Variants in SORCS3 observed in about 807,000 individuals in gnomAD.
The protein encoded by SORCS3 is sortilin related VPS10 domain containing receptor 3.
Under a neutral mutation model 146.3 loss-of-function variants are expected in SORCS3, and 57 were observed. That is an observed-to-expected ratio of 0.39 (90% CI 0.31 to 0.49). The LOEUF (loss-of-function observed/expected upper bound fraction) is 0.49, where lower values mean the gene tolerates loss of function less well. Ranked by LOEUF, SORCS3 falls within the 20% of genes least tolerant of loss-of-function variation. The probability of loss-of-function intolerance (pLI) is 0.92; values close to 1 mark genes in which losing one functional copy is unlikely to be tolerated. For missense variants in SORCS3, 1,341 were observed against 1,575.5 expected, an observed-to-expected ratio of 0.85 and a Z score of 2.52; for synonymous variants, 653 against 618.5, an observed-to-expected ratio of 1.06 and a Z score of -0.83.
intron 1 of SORCS3, among the ~76,000 whole-genome samples, chr10:104,759,034 T>G (rs554820410): frequency 2.6e-5 from 4 of 152,214 alleles, no homozygotes; most frequent in Admixed American, 2.0e-4. Context: ...GCAGATGGGA[T>G]TAGTTAAGAG....
At chr10:104,688,048 A>G (rs1403242987) in intron 1 of SORCS3, among the ~76,000 whole-genome samples, 1 of 152,246 alleles carries the variant, frequency 6.6e-6, no homozygotes, top group Non-Finnish European at 1.5e-5. Flanking sequence ...TAGCATTGTC[A>G]GATTTAGTAA....
chr10:105,003,380 C>A (rs2055073095), intron 4 of SORCS3, among the ~76,000 whole-genome samples: 2 of 152,022 alleles, frequency 1.3e-5, no homozygotes, highest in Non-Finnish European at 2.9e-5. Flanking sequence ...CAGCCCTTAG[C>A]CTTGCTCTTG....
At chr10:104,756,967 G>T (rs1248399885) in intron 1 of SORCS3, among the ~76,000 whole-genome samples, 1 of 151,778 alleles carries the variant, frequency 6.6e-6, no homozygotes, top group East Asian at 1.9e-4. Flanking sequence ...TTCTACTGAA[G>T]CTGGAAGATC....
At chr10:104,783,425 A>T (rs1041134321) in intron 1 of SORCS3, among the ~76,000 whole-genome samples, 1 of 152,176 alleles carries the variant, frequency 6.6e-6, no homozygotes, top group Non-Finnish European at 1.5e-5. Flanking sequence ...TGAAAGTCTA[A>T]ACCTCTTCTC....
At chr10:104,751,659 T>G (rs926459977) in intron 1 of SORCS3, among the ~76,000 whole-genome samples, 1 of 151,916 alleles carries the variant, frequency 6.6e-6, no homozygotes, top group Non-Finnish European at 1.5e-5. Flanking sequence ...AGCTGTGAAA[T>G]GAGAGGCTAA....
chr10:105,219,334 T>G (rs2056685221), intron 19 of SORCS3, among the ~76,000 whole-genome samples: 1 of 152,152 alleles, frequency 6.6e-6, no homozygotes, highest in Admixed American at 6.5e-5. Context: ...AGTTGTAACA[T>G]GTATAAAAAG....
chr10:104,647,134 T>C (rs1411386912), intron 1 of SORCS3, among the ~76,000 whole-genome samples: 2 of 152,210 alleles, frequency 1.3e-5, no homozygotes, highest in Admixed American at 1.3e-4. Context: ...ACATTCTGGC[T>C]TGAGGAACTT....
At chr10:105,199,877 T>C (rs2056564216) in intron 14 of SORCS3, 122 bp from the exon 15 acceptor site, 1 of 714,382 alleles carries the variant, frequency 1.4e-6, no homozygotes, top group South Asian at 1.7e-5. Flanking sequence ...GAACTCACTT[T>C]GGAAGAATAA....
At chr10:104,982,844 T>C (rs1207187554) in intron 4 of SORCS3, among the ~76,000 whole-genome samples, 2 of 152,172 alleles carry the variant, frequency 1.3e-5, no homozygotes, top group Non-Finnish European at 2.9e-5. Flanking sequence ...ATGACAGAAC[T>C]GGTTTAATGT....
chr10:104,982,847 T>C (rs2054939361), intron 4 of SORCS3, among the ~76,000 whole-genome samples: 1 of 152,102 alleles, frequency 6.6e-6, no homozygotes, highest in Non-Finnish European at 1.5e-5. Flanking sequence ...ACAGAACTGG[T>C]TTAATGTTAG....
chr10:104,972,263 C>T (rs952354544), intron 3 of SORCS3, among the ~76,000 whole-genome samples: 1 of 152,126 alleles, frequency 6.6e-6, no homozygotes, highest in African/African-American at 2.4e-5. Context: ...ATTGAGGAAG[C>T]TGAGGTTAGG....
At chr10:105,220,872 C>A (rs1000074598) in intron 19 of SORCS3, among the ~76,000 whole-genome samples, 1 of 151,474 alleles carries the variant, frequency 6.6e-6, no homozygotes, top group East Asian at 1.9e-4. Flanking sequence ...ACCTCATGAA[C>A]AAACAAATCA....
At chr10:105,050,911 A>C (rs2055406205) in intron 5 of SORCS3, among the ~76,000 whole-genome samples, 1 of 151,812 alleles carries the variant, frequency 6.6e-6, no homozygotes, top group Non-Finnish European at 1.5e-5. Context: ...TAGATATTTC[A>C]TTTTGCCCAT....
chr10:104,880,728 C>G (rs1422863602), intron 2 of SORCS3, among the ~76,000 whole-genome samples: 1 of 152,144 alleles, frequency 6.6e-6, no homozygotes, highest in Non-Finnish European at 1.5e-5. Context: ...ATTAGAAACC[C>G]TGCTTTCCCT....
chr10:104,934,780 T>C (rs997232547), intron 3 of SORCS3, among the ~76,000 whole-genome samples: 2 of 152,226 alleles, frequency 1.3e-5, no homozygotes, highest in South Asian at 4.1e-4. Flanking sequence ...AAGGTCTGAC[T>C]GTGATTTCCT....
At chr10:104,909,943 G>A (rs978396314) in intron 2 of SORCS3, among the ~76,000 whole-genome samples, 4 of 152,092 alleles carry the variant, frequency 2.6e-5, no homozygotes, top group African/African-American at 9.7e-5. Flanking sequence ...TGGGAAAGTG[G>A]CCCTGTGGGA....
At chr10:104,893,569 C>G (rs963887576) in intron 2 of SORCS3, among the ~76,000 whole-genome samples, 3 of 152,152 alleles carry the variant, frequency 2.0e-5, no homozygotes, top group Non-Finnish European at 1.5e-5. Flanking sequence ...AGCCTTTTGT[C>G]CCACTTGTCC....
rs746107307 is a variant in SORCS3, at chr10:105,201,162, C to T, written c.2170C>T (p.Arg724Cys). 3.1e-6 allele frequency: 5 copies of T among 1,612,786 alleles called. No homozygotes were observed. Among genetic ancestry groups the T allele is most frequent in the African/African-American group, 1.3e-5 (1 of 74,858 alleles). Residue 724 changes from arginine to cysteine, a missense_variant, in exon 16 of 27, where the codon CGT becomes TGT. Transcript: ENST00000369701. Reference protein sequence around the residue: ...VMGERKIFKKRKPGAQCALGR... With the variant: ...VMGERKIFKKCKPGAQCALGR... ...GGGAGAAAGGAAAATATTCAAGAAA[C>T]GTAAGCCAGGAGCTCAGTGTGCCCT...
At chr10:105,237,126 G>T (rs910187598) in intron 20 of SORCS3, among the ~76,000 whole-genome samples, 3 of 152,088 alleles carry the variant, frequency 2.0e-5, no homozygotes, top group Non-Finnish European at 2.9e-5. Context: ...GGTCCCAAAG[G>T]TCTTACTAAG....
Sources: allele counts gnomAD v4.1 joint callset (sites outside exome capture counted in the v4.1 genomes callset), GRCh38; gene constraint gnomAD v4.1.1; transcripts MANE v1.5; gene names NCBI Gene and HGNC (gene_info 2026-07-23, HGNC 2026-07-21).